ST6GALNAC3: variants seen among roughly 807,000 people sequenced by gnomAD.
The protein encoded by ST6GALNAC3 is ST6 N-acetylgalactosaminide alpha-2,6-sialyltransferase 3.
ST6GALNAC3 carries 25 observed loss-of-function variants against 32.7 expected under a neutral mutation model. The observed-to-expected ratio is 0.76, with a 90% CI of 0.56 to 1.07. The LOEUF (loss-of-function observed/expected upper bound fraction) is 1.07, where lower values mean the gene tolerates loss of function less well. ST6GALNAC3 is among the 50% of genes least tolerant of loss of function. The pLI is 0.00. For missense variants in ST6GALNAC3, 355 were observed against 382.4 expected (o/e 0.93, Z 0.60); for synonymous variants, 129 against 133.1 (o/e 0.97, Z 0.21).
chr1:76,245,465 C>A (rs1052709732), intron 1 of ST6GALNAC3, among the ~76,000 whole-genome samples: 16 of 152,150 alleles, frequency 1.1e-4, no homozygotes, highest in African/African-American at 3.6e-4. Context: ...TTCCTGTCTT[C>A]TGCTAGGCTT....
intron 1 of ST6GALNAC3, among the ~76,000 whole-genome samples, chr1:76,110,913 C>T (rs1472347411): frequency 6.6e-6 from 1 of 152,012 alleles, no homozygotes; most frequent in African/African-American, 2.4e-5. Flanking sequence ...ATCTTTTGTA[C>T]ACAAGAAAGT....
chr1:76,117,058 A>G (rs2100824245), intron 1 of ST6GALNAC3, among the ~76,000 whole-genome samples: 1 of 152,350 alleles, frequency 6.6e-6, no homozygotes, highest in East Asian at 1.9e-4. Flanking sequence ...GTTCTATAAT[A>G]TAACAGTATT....
chr1:76,416,149 A>G (rs1233841907), intron 3 of ST6GALNAC3, among the ~76,000 whole-genome samples: 1 of 152,066 alleles, frequency 6.6e-6, no homozygotes, highest in African/African-American at 2.4e-5. Context: ...TTTTGCATCA[A>G]AGAAAACATT....
chr1:76,582,186 C>T (rs964234306), intron 3 of ST6GALNAC3, among the ~76,000 whole-genome samples: 3 of 151,974 alleles, frequency 2.0e-5, no homozygotes, highest in East Asian at 1.9e-4. Flanking sequence ...ATGATGGTGC[C>T]GTAGACAATT....
At chr1:76,250,614 C>G (rs1657553446) in intron 1 of ST6GALNAC3, among the ~76,000 whole-genome samples, 1 of 152,164 alleles carries the variant, frequency 6.6e-6, no homozygotes, top group African/African-American at 2.4e-5. Flanking sequence ...TCCAAGTACA[C>G]TTCCAAGGGC....
intron 1 of ST6GALNAC3, among the ~76,000 whole-genome samples, chr1:76,264,510 A>C (rs750913983): frequency 1.3e-5 from 2 of 152,134 alleles, no homozygotes; most frequent in Non-Finnish European, 2.9e-5. Flanking sequence ...AATAATTTGC[A>C]CTTCAAATGT....
chr1:76,358,356 C>A (rs1035493362), intron 2 of ST6GALNAC3, among the ~76,000 whole-genome samples: 1 of 152,168 alleles, frequency 6.6e-6, no homozygotes, highest in Non-Finnish European at 1.5e-5. Flanking sequence ...ATGGAACTCA[C>A]GAAACCTTTC....
chr1:76,233,905 C>T (rs1656506569), intron 1 of ST6GALNAC3, among the ~76,000 whole-genome samples: 1 of 151,890 alleles, frequency 6.6e-6, no homozygotes, highest in Non-Finnish European at 1.5e-5. Context: ...CACAGTATAT[C>T]TGTGATATTA....
At chr1:76,427,621 A>G (rs928935966) in intron 3 of ST6GALNAC3, among the ~76,000 whole-genome samples, 7 of 152,152 alleles carry the variant, frequency 4.6e-5, no homozygotes, top group African/African-American at 1.7e-4. Flanking sequence ...TATTAAAATT[A>G]GGTTAGTTTT....
chr1:76,075,652 G>C (rs1352641201), intron 1 of ST6GALNAC3, among the ~76,000 whole-genome samples: 1 of 151,770 alleles, frequency 6.6e-6, no homozygotes. Context: ...AGAACTTGGT[G>C]TGAGGGCCTC....
chr1:76,445,775 T>A (rs1034095038), intron 3 of ST6GALNAC3, among the ~76,000 whole-genome samples: 1 of 152,220 alleles, frequency 6.6e-6, no homozygotes, highest in Admixed American at 6.5e-5. Context: ...ATGAAAATAA[T>A]GCATGCATGT....
intron 1 of ST6GALNAC3, among the ~76,000 whole-genome samples, chr1:76,170,497 AAAAATCTATAT>A (rs1243706000): frequency 1.3e-4 from 20 of 152,220 alleles, no homozygotes; most frequent in Non-Finnish European, 4.4e-5. Context: ...AAATTGTTTC[AAAAATCTATAT>A]AAAGCTTTGG....
At chr1:76,501,823 A>G (rs1661193493) in intron 3 of ST6GALNAC3, among the ~76,000 whole-genome samples, 1 of 152,240 alleles carries the variant, frequency 6.6e-6, no homozygotes, top group African/African-American at 2.4e-5. Context: ...TGCCTAAACA[A>G]TAAAAGTTTA....
At chr1:76,147,796 T>G (rs1160696876) in intron 1 of ST6GALNAC3, among the ~76,000 whole-genome samples, 1 of 152,140 alleles carries the variant, frequency 6.6e-6, no homozygotes, top group Non-Finnish European at 1.5e-5. Context: ...CTTTATTCCC[T>G]ACTCTTCTCT....
intron 1 of ST6GALNAC3, among the ~76,000 whole-genome samples, chr1:76,278,753 G>A (rs1376834984): frequency 6.6e-6 from 1 of 152,100 alleles, no homozygotes; most frequent in Non-Finnish European, 1.5e-5. Context: ...TCGAAGTTAG[G>A]TGTTATTTGT....
At chr1:76,206,364 A>G (rs1654823153) in intron 1 of ST6GALNAC3, among the ~76,000 whole-genome samples, 1 of 152,122 alleles carries the variant, frequency 6.6e-6, no homozygotes, top group Non-Finnish European at 1.5e-5. Context: ...CTGGATTCAA[A>G]TCCCAACTCT....
At chr1:76,118,772 A>G (rs1290030582) in intron 1 of ST6GALNAC3, among the ~76,000 whole-genome samples, 1 of 152,114 alleles carries the variant, frequency 6.6e-6, no homozygotes, top group Non-Finnish European at 1.5e-5. Context: ...TCCTGTGCAC[A>G]TTCCTTTTTT....
intron 2 of ST6GALNAC3, among the ~76,000 whole-genome samples, chr1:76,356,945 C>A (rs1649507040): frequency 3.9e-5 from 6 of 151,964 alleles, no homozygotes; most frequent in Admixed American, 3.9e-4. Flanking sequence ...AGAGGCATGT[C>A]CACAATAGGT....
chr1:76,233,000 G>A (rs1656456579), intron 1 of ST6GALNAC3, among the ~76,000 whole-genome samples: 1 of 152,108 alleles, frequency 6.6e-6, no homozygotes, highest in East Asian at 1.9e-4. Flanking sequence ...TGAGACACAG[G>A]TACATGAGAA....
Sources: allele counts gnomAD v4.1 joint callset (sites outside exome capture counted in the v4.1 genomes callset), GRCh38; gene constraint gnomAD v4.1.1; transcripts MANE v1.5; gene names NCBI Gene and HGNC (gene_info 2026-07-23, HGNC 2026-07-21).